B3GALT5: variants seen among roughly 807,000 people sequenced by gnomAD.
The protein encoded by B3GALT5 is UDP-Gal:betaGlcNAc beta 1,3-galactosyltransferase, polypeptide 5.
For missense variants in B3GALT5, 328 were observed against 396.6 expected (o/e 0.83, Z 1.47); for synonymous variants, 156 against 158.6 (o/e 0.98, Z 0.12).
At chr21:39,628,406 C>T (rs1185913689) in intron 1 of B3GALT5, among the ~76,000 whole-genome samples, 2 of 152,216 alleles carry the variant, frequency 1.3e-5, no homozygotes, top group African/African-American at 4.8e-5. Flanking sequence ...TCCATCCCCT[C>T]ACCCTTCCGA....
intron 2 of B3GALT5, among the ~76,000 whole-genome samples, chr21:39,647,392 G>A (rs1163435894): frequency 6.6e-6 from 1 of 152,160 alleles, no homozygotes; most frequent in Non-Finnish European, 1.5e-5. Flanking sequence ...CAGCAGGCCA[G>A]TTTCTAGAAT....
chr21:39,670,536 G>A lies in B3GALT5; in HGVS notation c.*9044G>A, dbSNP rs2079618015. 1 of 152,232 alleles carries A rather than the reference G, an allele frequency of 6.6e-6. No individual in the cohort carries two copies. The highest frequency in any genetic ancestry group is 1.5e-5 in the Non-Finnish European group (1 of 68,054). 9.4% of individuals were successfully genotyped at this position (152,232 alleles called of 1,614,324 possible). ...CCACACACCCATGTTCAGTAAGGTGGAAGCCAGCTGCAGGCGTGGTCCACA... is the reference window on the plus strand; with the variant it reads ...CCACACACCCATGTTCAGTAAGGTGAAAGCCAGCTGCAGGCGTGGTCCACA... On this transcript the variant is annotated 3_prime_UTR_variant, in exon 4 of 4. Transcript: ENST00000684187.
At chr21:39,621,577 A>AC (rs1468672730) in intron 1 of B3GALT5, among the ~76,000 whole-genome samples, 5 of 151,886 alleles carry the variant, frequency 3.3e-5, no homozygotes, top group Admixed American at 6.6e-5. Context: ...CTGATGACAG[A>AC]TTCATTGTTT....
Position 39,671,483 on chromosome 21 carries a change from G to A in B3GALT5, c.*9991G>A, listed in dbSNP as rs1368864789. 1.3e-5 allele frequency: 2 copies of A among 152,114 alleles called. No homozygotes were observed. The highest frequency in any genetic ancestry group is 4.8e-5 in the African/African-American group (2 of 41,404). 9.4% of individuals were successfully genotyped at this position (152,114 alleles called of 1,614,324 possible). A position where few individuals can be genotyped will look rare whatever the true frequency, so the allele number is the denominator to read the frequency against. ...GTTCTCAGGGGATCTCTCAAAGGTG[G>A]TATTCAGGCACCCACAAGGCAACTC... On this transcript the variant is annotated 3_prime_UTR_variant, in exon 4 of 4. Coordinates refer to ENST00000684187, the MANE Select transcript of B3GALT5 (RefSeq NM_001356336.2).
intron 1 of B3GALT5, among the ~76,000 whole-genome samples, chr21:39,633,211 C>G (rs2079203686): frequency 6.6e-6 from 1 of 152,094 alleles, no homozygotes; most frequent in Non-Finnish European, 1.5e-5. Flanking sequence ...CTGTGGACCC[C>G]TGGTCTTATA....
At chr21:39,633,350 T>C (rs1466316920) in intron 1 of B3GALT5, among the ~76,000 whole-genome samples, 1 of 152,188 alleles carries the variant, frequency 6.6e-6, no homozygotes, top group Admixed American at 6.5e-5. Flanking sequence ...TGTAATGACA[T>C]TCATTTCCTT....
chr21:39,624,680 C>T (rs893993466), intron 1 of B3GALT5, among the ~76,000 whole-genome samples: 1 of 152,078 alleles, frequency 6.6e-6, no homozygotes, highest in African/African-American at 2.4e-5. Context: ...TGCTGCACAG[C>T]GAACTCTCAA....
intron 1 of B3GALT5, among the ~76,000 whole-genome samples, chr21:39,623,310 G>C (rs1185084583): frequency 2.1e-5 from 3 of 141,060 alleles, no homozygotes; most frequent in Non-Finnish European, 4.5e-5. Flanking sequence ...TCTTTTCTTG[G>C]GTAATTTCCT....
chr21:39,661,104 G>C lies in B3GALT5; in HGVS notation c.545G>C (p.Gly182Ala), dbSNP rs781050314. The change falls in exon 4 of 4, where the codon GGC becomes GCC. Residue 182 changes from glycine (G) to alanine (A), a missense_variant. Physicochemically the swap from Gly to Ala is moderately conservative, Grantham distance 60 (BLOSUM62 0). Coordinates refer to ENST00000684187, the MANE Select transcript of B3GALT5 (RefSeq NM_001356336.2). This position sits in a 1 kb window ranked among gnomAD's most constrained non-coding sequence, Gnocchi z 4.7. Reference protein sequence around the residue: ...KKNRTTRFFTGFLKLNEFPIR... With the variant: ...KKNRTTRFFTAFLKLNEFPIR... ...AACAGAACAACCAGGTTTTTCACTGGCTTCTTGAAACTCAATGAGTTTCCC... is the reference window on the plus strand; with the variant it reads ...AACAGAACAACCAGGTTTTTCACTGCCTTCTTGAAACTCAATGAGTTTCCC... 1.2e-6 allele frequency: 2 copies of C among 1,614,074 alleles called. No individual in the cohort carries two copies. The highest frequency in any genetic ancestry group is 3.3e-5 in the Admixed American group (2 of 60,020).
chr21:39,658,435 T>C (rs1426760265), intron 2 of B3GALT5, among the ~76,000 whole-genome samples: 1 of 152,152 alleles, frequency 6.6e-6, no homozygotes, highest in Admixed American at 6.5e-5. Context: ...AGGAGCAGAA[T>C]TATTCAAGCA....
At position 39,671,186 on chromosome 21, in the gene B3GALT5, C is replaced by CT. The variant is rs2079624611; in HGVS notation, c.*9695dup. 1.3e-5 allele frequency: 2 copies of CT among 152,248 alleles called. No homozygotes were observed. Among genetic ancestry groups the CT allele is most frequent in the Non-Finnish European group, 2.9e-5 (2 of 68,044 alleles). The allele number at this position is 152,248 out of a possible 1,614,324, so 9.4% of individuals were successfully genotyped here. A position where few individuals can be genotyped will look rare whatever the true frequency, so the allele number is the denominator to read the frequency against. The stretch of plus-strand genomic sequence containing the variant: ...CCAGTCACCTCTTAAAAGGTCCCAC[C>CT]TCTCAACGCTGTTGCACTGGGGATT... On this transcript the variant is annotated 3_prime_UTR_variant, in exon 4 of 4. Transcript: ENST00000684187.
intron 1 of B3GALT5, among the ~76,000 whole-genome samples, chr21:39,644,157 G>A (rs948718771): frequency 2.0e-5 from 3 of 152,120 alleles, no homozygotes; most frequent in Non-Finnish European, 4.4e-5. Flanking sequence ...CGGTGAATCT[G>A]CATTTGTACA....
Position 39,659,787 on chromosome 21 carries a change from A to G in B3GALT5, c.-126A>G, listed in dbSNP as rs1038955878. The G allele has an allele frequency of 1.0e-6, 1 of 985,206 alleles. No individual in the cohort carries two copies. The highest frequency in any genetic ancestry group is 1.1e-4 in the East Asian group (1 of 8,812). 61.0% of individuals were successfully genotyped at this position (985,206 alleles called of 1,614,324 possible). A position where few individuals can be genotyped will look rare whatever the true frequency, so the allele number is the denominator to read the frequency against. ...TCAGAATCACCATTTTTGGTAAACA[A>G]ACCAAGCCCAGAACCTGATAATTAT... On this transcript the variant is annotated 5_prime_UTR_variant, in exon 3 of 4. Coordinates refer to ENST00000684187, the MANE Select transcript of B3GALT5 (RefSeq NM_001356336.2).
intron 1 of B3GALT5, among the ~76,000 whole-genome samples, chr21:39,618,891 G>A (rs1375737811): frequency 6.6e-6 from 1 of 151,998 alleles, no homozygotes; most frequent in Non-Finnish European, 1.5e-5. Flanking sequence ...CTCATATACT[G>A]TATTTCTTGC....
In B3GALT5 at chr21:39,672,677, G is replaced by A. The variant is rs532013265; in HGVS notation, c.*11185G>A. On this transcript the variant is annotated 3_prime_UTR_variant, in exon 4 of 4. Coordinates refer to ENST00000684187, the MANE Select transcript of B3GALT5 (RefSeq NM_001356336.2). ...AATTGGCAAGGTAATGGTCTGAATC[G>A]GACAATCCTTTTGTTTTTACATTGA... 1.4e-4 allele frequency: 21 copies of A among 152,188 alleles called. No individual in the cohort carries two copies. The East Asian group carries it at 1.7e-3, about 13-fold the overall frequency. The allele number at this position is 152,188 out of a possible 1,614,324, so 9.4% of individuals were successfully genotyped here.
Position 39,660,574 on chromosome 21 carries a change from G to T in B3GALT5, c.15G>T (p.Lys5Asn), listed in dbSNP as rs1184048961. MAFP[K>N]MRLMYICLLV... ...GTTCCTTTCAGATGGCTTTCCCGAA[G>T]ATGAGATTGATGTATATTTGCCTTC... The change falls in exon 4 of 4, where the codon AAG becomes AAT. Residue 5 changes from lysine (K) to asparagine (N), a missense_variant. Coordinates refer to ENST00000684187, the MANE Select transcript of B3GALT5 (RefSeq NM_001356336.2). 4.2e-6 allele frequency: 6 copies of T among 1,419,226 alleles called. No individual in the cohort carries two copies. Among genetic ancestry groups the T allele is most frequent in the Non-Finnish European group, 5.5e-6 (6 of 1,082,906 alleles). 87.9% of individuals were successfully genotyped at this position (1,419,226 alleles called of 1,614,324 possible). A position where few individuals can be genotyped will look rare whatever the true frequency, so the allele number is the denominator to read the frequency against.
At chr21:39,657,051 G>A (rs1477768526) in intron 2 of B3GALT5, among the ~76,000 whole-genome samples, 1 of 151,978 alleles carries the variant, frequency 6.6e-6, no homozygotes, top group Non-Finnish European at 1.5e-5. Context: ...CAGAGGCAGA[G>A]GAGAAGGGAG....
intron 1 of B3GALT5, among the ~76,000 whole-genome samples, 191 bp from the exon 2 acceptor site, chr21:39,646,201 C>T (rs1291029152): frequency 6.6e-6 from 1 of 152,112 alleles, no homozygotes; most frequent in African/African-American, 2.4e-5. Context: ...CTTCTCAACA[C>T]TCCTGAGGAG....
rs747666429 is a variant in B3GALT5 at position 39,661,542 on chromosome 21, A to G, written c.*50A>G. 2.8e-6 allele frequency: 4 copies of G among 1,452,566 alleles called. No homozygotes were observed. The highest frequency in any genetic ancestry group is 3.6e-6 in the Non-Finnish European group (4 of 1,098,010). 90.0% of individuals were successfully genotyped at this position (1,452,566 alleles called of 1,614,324 possible). A position where few individuals can be genotyped will look rare whatever the true frequency, so the allele number is the denominator to read the frequency against. ...CAAGTTTCAGATAACCCGTGGGGAT[A>G]GTTTTTGCTAGATTTTGGAAGAGGG... is the stretch of plus-strand genomic sequence containing the variant. On this transcript the variant is annotated 3_prime_UTR_variant, in exon 4 of 4. Transcript: ENST00000684187. The surrounding 1 kb of genome is among the most constrained non-coding windows in gnomAD (Gnocchi z 4.7).
Sources: gnomAD v4.1 joint callset for allele counts (sites outside exome capture counted in the v4.1 genomes callset) on GRCh38, gnomAD v4.1.1 for gene constraint, Gnocchi (gnomAD v3.1) non-coding constraint, MANE v1.5 for transcripts, NCBI Gene and HGNC (gene_info 2026-07-23, HGNC 2026-07-21) for gene names.